The following LDHA variants were observed in gnomAD, a reference collection of about 807,000 sequenced individuals.
LDHA encodes the protein L-lactate dehydrogenase A chain.
Under a neutral mutation model 36.3 loss-of-function variants are expected in LDHA, and 10 were observed. The observed-to-expected ratio is 0.28, with a 90% CI of 0.17 to 0.47. The LOEUF (loss-of-function observed/expected upper bound fraction) is 0.47. Ranked by LOEUF, LDHA falls within the 20% of genes least tolerant of loss-of-function variation. The pLI is 0.99. For synonymous variants in LDHA, 110 were observed against 136.7 expected (o/e 0.80, Z 1.36); for missense variants, 267 against 405.8 (o/e 0.66, Z 2.94).
In LDHA at chr11:18,398,259, A is replaced by AT. The variant is rs1866363985; in HGVS notation, c.127-1166dup. Among the ~76,000 whole-genome samples the AT allele has an allele frequency of 3.3e-5, 5 of 152,146 alleles. No homozygotes were observed. The South Asian group carries it at 1.0e-3, about 32-fold the overall frequency. On this transcript the variant is annotated intron_variant, in intron 2 of 7. Coordinates refer to ENST00000422447, the MANE Select transcript of LDHA (RefSeq NM_005566.4). ...AACTTTGAGTTGCAACTATAAGGAT[A>AT]TTTTTTGCCAGTATTATACACTGCA...
At chr11:18,403,587 C>A in intron 5 of LDHA, 107 bp from the exon 6 acceptor site, 1 of 817,662 alleles carries the variant, frequency 1.2e-6, no homozygotes, top group Admixed American at 1.7e-5. Flanking sequence ...GACCATCTAC[C>A]AAAATTGAGT....
At chr11:18,398,694 A>C (rs1590212587) in intron 2 of LDHA, 1 of 112,804 alleles carries the variant, frequency 8.9e-6, no homozygotes, top group Non-Finnish European at 1.7e-5. Context: ...GCTCACTGCT[A>C]GCTCTGCCTC....
At chr11:18,397,476 A>G (rs1432361083) in intron 2 of LDHA, 1 of 152,492 alleles carries the variant, frequency 6.6e-6, no homozygotes, top group African/African-American at 2.4e-5. Context: ...CACTATTGAA[A>G]GCTGATTTAT....
At chr11:18,406,923 T>C (rs1054974039) in intron 7 of LDHA, among the ~76,000 whole-genome samples, 194 bp from the exon 8 acceptor site, 5 of 151,790 alleles carry the variant, frequency 3.3e-5, no homozygotes, top group Non-Finnish European at 5.9e-5. Flanking sequence ...GGAGAATTAC[T>C]TGAACCCTGG....
intron 3 of LDHA, chr11:18,399,908 T>C (rs1969563): frequency 0.67 from 143,393 of 213,240 alleles, 49,691 homozygotes; most frequent in South Asian, 0.76. Flanking sequence ...GACTTAAATG[T>C]TTTATCAGGC....
Position 18,407,478 on chromosome 11 carries a change from A to G in LDHA, c.*197A>G, listed in dbSNP as rs1173417810. On this transcript the variant is annotated 3_prime_UTR_variant, in exon 8 of 8. Coordinates refer to ENST00000422447, the MANE Select transcript of LDHA (RefSeq NM_005566.4). ...CAGCTATATCCTGATGCTGGATGGTATTAATCTTGTGTAGTCTTCAACTGG... is the reference window on the plus strand; with the variant it reads ...CAGCTATATCCTGATGCTGGATGGTGTTAATCTTGTGTAGTCTTCAACTGG... The G allele has an allele frequency of 1.8e-6, 2 of 1,119,448 alleles. No individual in the cohort carries two copies. Among genetic ancestry groups the G allele is most frequent in the Non-Finnish European group, 2.6e-6 (2 of 759,384 alleles). 69.3% of individuals were successfully genotyped at this position (1,119,448 alleles called of 1,614,324 possible).
intron 4 of LDHA, among the ~76,000 whole-genome samples, chr11:18,401,324 T>C (rs923814275): frequency 1.4e-4 from 21 of 150,676 alleles, no homozygotes; most frequent in Non-Finnish European, 2.5e-4. Flanking sequence ...TAATTTTTTA[T>C]ATTTTTAGTA....
Position 18,403,701 on chromosome 11 carries a change from A to G in LDHA, c.600A>G (p.Val200=), listed in dbSNP as rs1866577188. The change falls in exon 6 of 8, where the codon GTA becomes GTG. Residue 200 remains valine, a synonymous_variant. Coordinates refer to ENST00000422447, the MANE Select transcript of LDHA (RefSeq NM_005566.4). ...LGEHGDSSVP[V]WSGMNVAGVS... ...CTGTACTATTTCTTTTAGTGCCTGT[A>G]TGGAGTGGAATGAATGTTGCTGGTG... The G allele has an allele frequency of 1.3e-6, 2 of 1,566,840 alleles. No homozygotes were observed. The highest frequency in any genetic ancestry group is 1.8e-6 in the Non-Finnish European group (2 of 1,137,034).
intron 7 of LDHA, 104 bp downstream of exon 7, chr11:18,405,676 G>C: frequency 7.7e-7 from 1 of 1,302,070 alleles, no homozygotes; most frequent in Non-Finnish European, 1.1e-6. Context: ...ACTGACTTAA[G>C]TGAAATAAAT....
rs1414509898 is a variant in LDHA, at chr11:18,407,657, G to A, written c.*376G>A. On this transcript the variant is annotated 3_prime_UTR_variant, in exon 8 of 8. Transcript: ENST00000422447. ...CTAGTCCAACATTTTTTCCCAGTGA[G>A]TCACATCCTGGGATCCAGTGTATAA... 3.5e-6 allele frequency: 2 copies of A among 573,660 alleles called. No homozygotes were observed. The highest frequency in any genetic ancestry group is 3.3e-6 in the Non-Finnish European group (1 of 305,070). The allele number at this position is 573,660 out of a possible 1,614,324, so 35.5% of individuals were successfully genotyped here.
chr11:18,405,750 G>T, intron 7 of LDHA, 178 bp downstream of exon 7: 1 of 649,544 alleles, frequency 1.5e-6, no homozygotes. Flanking sequence ...ATGTCCATTA[G>T]GCCTGTTCAA....
At chr11:18,405,327 C>G in intron 6 of LDHA, 122 bp from the exon 7 acceptor site, 1 of 990,456 alleles carries the variant, frequency 1.0e-6, no homozygotes, top group East Asian at 2.4e-5. Context: ...AAGGGTTATT[C>G]TTGGTATAAT....
At chr11:18,404,639 T>C (rs1428988994) in intron 6 of LDHA, among the ~76,000 whole-genome samples, 2 of 151,190 alleles carry the variant, frequency 1.3e-5, no homozygotes, top group African/African-American at 4.9e-5. Context: ...AAACCCCGTC[T>C]CTACTAAAAA....
chr11:18,407,074 A>G (rs1400741726), intron 7 of LDHA, 43 bp from the exon 8 acceptor site: 9 of 1,474,636 alleles, frequency 6.1e-6, no homozygotes, highest in Admixed American at 4.0e-5. Flanking sequence ...CTGGGAATGC[A>G]TAGACAAAAT....
At chr11:18,400,521 G>C (rs1866448842) in intron 3 of LDHA, 1 of 386,166 alleles carries the variant, frequency 2.6e-6, no homozygotes, top group Admixed American at 3.5e-5. Context: ...CACCAGTTAA[G>C]TAGAAACAGG....
Position 18,407,973 on chromosome 11 carries a change from G to A in LDHA, c.*692G>A, listed in dbSNP as rs570815637. On this transcript the variant is annotated 3_prime_UTR_variant, in exon 8 of 8. Coordinates refer to ENST00000422447, the MANE Select transcript of LDHA (RefSeq NM_005566.4). ...GATTTTTTCTAACAGGGATATTATT[G>A]ACTAATAGCAGAGGATGTAATAGTC... 1 of 454,076 alleles carries A rather than the reference G, an allele frequency of 2.2e-6. No individual in the cohort carries two copies. The highest frequency in any genetic ancestry group is 1.6e-5 in the South Asian group (1 of 64,470). 28.1% of individuals were successfully genotyped at this position (454,076 alleles called of 1,614,324 possible). A position where few individuals can be genotyped will look rare whatever the true frequency, so the allele number is the denominator to read the frequency against.
At chr11:18,400,420 C>G in intron 3 of LDHA, 1 of 256,856 alleles carries the variant, frequency 3.9e-6, no homozygotes, top group Non-Finnish European at 7.4e-6. Context: ...AGTCCCCCTA[C>G]CACCACCACC....
Position 18,403,738 on chromosome 11 carries a change from ACT to A in LDHA, c.640_641del (p.Leu214AlafsTer7), listed in dbSNP as rs758692078. On this transcript the variant is annotated frameshift_variant, in exon 6 of 8. Transcript: ENST00000422447. LOFTEE classifies it high-confidence loss of function. ...GAATGTTGCTGGTGTCTCTCTGAAGACTCTGCACCCAGATTTAGGGACTGATA... is the reference window on the plus strand; with the variant it reads ...GAATGTTGCTGGTGTCTCTCTGAAGACTGCACCCAGATTTAGGGACTGATA... ...GMNVAGVSLK[T>X]LHPDLGTDKD... The A allele has an allele frequency of 7.4e-6, 12 of 1,611,482 alleles. No individual in the cohort carries two copies. Among genetic ancestry groups the A allele is most frequent in the South Asian group, 3.3e-5 (3 of 91,040 alleles).
chr11:18,403,582 T>G (rs1328819866), intron 5 of LDHA, 112 bp from the exon 6 acceptor site: 1 of 791,304 alleles, frequency 1.3e-6, no homozygotes, highest in Non-Finnish European at 2.3e-6. Context: ...GTCTTGACCA[T>G]CTACCAAAAT....
Sources: allele counts gnomAD v4.1 joint callset (sites outside exome capture counted in the v4.1 genomes callset), GRCh38; gene constraint gnomAD v4.1.1; transcripts MANE v1.5; gene names NCBI Gene and HGNC (gene_info 2026-07-23, HGNC 2026-07-21).